Variants in PIGN observed in about 807,000 individuals in gnomAD.
PIGN encodes GPI ethanolamine phosphate transferase 1.
A neutral mutation model predicts 125.4 loss-of-function variants in PIGN; 117 were observed. That is an observed-to-expected ratio of 0.93 (90% confidence interval 0.80 to 1.09). The LOEUF (loss-of-function observed/expected upper bound fraction) is 1.09, where lower values mean the gene tolerates loss of function less well. PIGN is among the 50% of genes least tolerant of loss of function. PIGN has a pLI of 0.00. For synonymous variants in PIGN, 392 were observed against 377.8 expected (o/e 1.04, Z -0.44); for missense variants, 1,075 against 1,094.9 (o/e 0.98, Z 0.26).
intron 14 of PIGN, among the ~76,000 whole-genome samples, chr18:62,125,213 T>C (rs2035485599): frequency 1.3e-5 from 2 of 150,330 alleles, no homozygotes; most frequent in Admixed American, 1.3e-4. Context: ...TATATAAATA[T>C]ACACGTTTGT....
intron 14 of PIGN, among the ~76,000 whole-genome samples, chr18:62,135,500 G>C (rs1454699691): frequency 1.3e-5 from 2 of 152,044 alleles, no homozygotes; most frequent in Non-Finnish European, 2.9e-5. Context: ...CAAAATAGGG[G>C]AAGTCTATGA....
At chr18:62,088,944 GC>G (rs1256971862) in intron 24 of PIGN, 102 bp from the exon 25 acceptor site, 20 of 657,528 alleles carry the variant, frequency 3.0e-5, no homozygotes, top group Non-Finnish European at 2.7e-6. Context: ...CTAGAAACAT[GC>G]CCTGTGCTGA....
At chr18:62,084,260 T>G (rs976803916) in intron 27 of PIGN, among the ~76,000 whole-genome samples, 1 of 152,220 alleles carries the variant, frequency 6.6e-6, no homozygotes, top group Non-Finnish European at 1.5e-5. Flanking sequence ...TGCAGTTTGA[T>G]CCATAGCTTC....
At chr18:62,090,057 A>G (rs928929789) in intron 24 of PIGN, among the ~76,000 whole-genome samples, 4 of 152,206 alleles carry the variant, frequency 2.6e-5, no homozygotes, top group African/African-American at 4.8e-5. Context: ...GTGAAAAACA[A>G]CAATAGAAAC....
At chr18:62,135,278 C>A (rs1007568755) in intron 14 of PIGN, among the ~76,000 whole-genome samples, 7 of 152,038 alleles carry the variant, frequency 4.6e-5, no homozygotes, top group African/African-American at 1.7e-4. Flanking sequence ...TTTCATATGA[C>A]CTCAAGAGTC....
chr18:62,172,028 T>G (rs1190666416), intron 1 of PIGN, among the ~76,000 whole-genome samples: 1 of 152,166 alleles, frequency 6.6e-6, no homozygotes, highest in African/African-American at 2.4e-5. Context: ...TTTGTATTAT[T>G]TCTTCCTTTA....
chr18:62,139,689 A>T (rs2036066619), intron 12 of PIGN, among the ~76,000 whole-genome samples: 1 of 152,198 alleles, frequency 6.6e-6, no homozygotes, highest in Non-Finnish European at 1.5e-5. Context: ...CATTATATAC[A>T]GCATGTTAGG....
chr18:62,089,988 A>T (rs1253461142), intron 24 of PIGN, among the ~76,000 whole-genome samples: 1 of 152,160 alleles, frequency 6.6e-6, no homozygotes, highest in African/African-American at 2.4e-5. Flanking sequence ...TAAGATTTGG[A>T]CTGAGGCCAC....
chr18:62,105,783 A>C (rs2034616116), intron 19 of PIGN, 149 bp from the exon 20 acceptor site: 2 of 517,418 alleles, frequency 3.9e-6, no homozygotes, highest in South Asian at 7.2e-5. Flanking sequence ...TTTCTAGCAG[A>C]ATCAACAGCT....
Position 62,043,741 on chromosome 18 carries a change from T to C in PIGN, c.*2115A>G, listed in dbSNP as rs2030468654. 6.6e-6 allele frequency: 1 copy of C among 152,170 alleles called. No homozygotes were observed. Among genetic ancestry groups the C allele is most frequent in the South Asian group, 2.1e-4 (1 of 4,834 alleles). The allele number at this position is 152,170 out of a possible 1,614,324, so 9.4% of individuals were successfully genotyped here. ...CCCTCTAAGGTTTATTCATGGGCCC[T>C]CTAAGATGATAGCATGGCCTTTTTT... On this transcript the variant is annotated 3_prime_UTR_variant, in exon 31 of 31. Transcript: ENST00000640252.
chr18:62,172,376 T>C (rs1431401062), intron 1 of PIGN, among the ~76,000 whole-genome samples: 2 of 152,124 alleles, frequency 1.3e-5, no homozygotes, highest in Admixed American at 6.5e-5. Context: ...TCCTTTCAGT[T>C]AGATCTTAAA....
At chr18:62,167,245 T>C (rs1031990840) in intron 1 of PIGN, among the ~76,000 whole-genome samples, 6 of 134,964 alleles carry the variant, frequency 4.4e-5, no homozygotes, top group Non-Finnish European at 9.9e-5. Flanking sequence ...TATATATATA[T>C]ACACACACAT....
At chr18:62,084,315 G>A (rs2145940027) in intron 27 of PIGN, among the ~76,000 whole-genome samples, 1 of 152,300 alleles carries the variant, frequency 6.6e-6, no homozygotes, top group South Asian at 2.1e-4. Flanking sequence ...CAGATTAACA[G>A]TTGAATCCCT....
At chr18:62,112,809 C>A in intron 16 of PIGN, 1 of 319,592 alleles carries the variant, frequency 3.1e-6, no homozygotes, top group Non-Finnish European at 5.6e-6. Context: ...ACCAGTTGTA[C>A]TAGAAAGATA....
chr18:62,038,316 T>TG (rs1166304380), downstream of PIGN, among the ~76,000 whole-genome samples: 2 of 146,966 alleles, frequency 1.4e-5, no homozygotes, highest in Non-Finnish European at 3.0e-5. Context: ...GTGTTTTTTT[T>TG]TTTTTTTTTT....
At chr18:62,087,683 T>C (rs906446079) in intron 25 of PIGN, among the ~76,000 whole-genome samples, 1 of 152,196 alleles carries the variant, frequency 6.6e-6, no homozygotes, top group Non-Finnish European at 1.5e-5. Context: ...TTATTTCCTG[T>C]ACCTGAGGTC....
intron 11 of PIGN, among the ~76,000 whole-genome samples, chr18:62,142,539 T>C (rs2036176062): frequency 6.6e-6 from 1 of 152,234 alleles, no homozygotes; most frequent in African/African-American, 2.4e-5. Flanking sequence ...GAGAAGACTA[T>C]TCTTATTTTG....
chr18:62,131,970 A>C (rs1362772438), intron 14 of PIGN, among the ~76,000 whole-genome samples: 1 of 146,674 alleles, frequency 6.8e-6, no homozygotes, highest in Non-Finnish European at 1.5e-5. Context: ...AATTTTCTCA[A>C]GTTAAGAACA....
intron 10 of PIGN, among the ~76,000 whole-genome samples, chr18:62,144,564 CCTCTGCCTGGA>C (rs1568225299): frequency 6.6e-6 from 1 of 152,128 alleles, no homozygotes. Flanking sequence ...TTTGCTATTC[CCTCTGCCTGGA>C]ACACTCCTGC....
Sources: gnomAD v4.1 joint callset for allele counts (sites outside exome capture counted in the v4.1 genomes callset) on GRCh38, gnomAD v4.1.1 for gene constraint, MANE v1.5 for transcripts, NCBI Gene and HGNC (gene_info 2026-07-23, HGNC 2026-07-21) for gene names.